WDPCP: variants seen among roughly 807,000 people sequenced by gnomAD.
WDPCP encodes WD repeat containing planar cell polarity effector, also known as WD repeat-containing and planar cell polarity effector protein fritz homolog.
WDPCP carries 71 observed loss-of-function variants against 93.1 expected under a neutral mutation model. The ratio of observed to expected loss-of-function variants is 0.76; its 90% CI spans 0.63 to 0.93. WDPCP has a LOEUF of 0.93. Ranked by LOEUF, WDPCP falls within the 40% of genes least tolerant of loss-of-function variation. The pLI is 0.00. For synonymous variants in WDPCP, 315 were observed against 315.0 expected (o/e 1.00, Z 0.00); for missense variants, 844 against 887.4 (o/e 0.95, Z 0.62).
chr2:63,575,489 A>ATGCACT (rs1257278044), intron 1 of WDPCP, among the ~76,000 whole-genome samples: 6 of 17,286 alleles, frequency 3.5e-4, no homozygotes, highest in Non-Finnish European at 5.1e-4. Flanking sequence ...GTGTATATAT[A>ATGCACT]GTATATACAG....
chr2:63,342,458 T>A (rs1436440871), intron 12 of WDPCP, among the ~76,000 whole-genome samples: 1 of 152,248 alleles, frequency 6.6e-6, no homozygotes, highest in East Asian at 1.9e-4. Flanking sequence ...ATTCTTCCAA[T>A]ACTGCCTTAT....
intron 13 of WDPCP, among the ~76,000 whole-genome samples, chr2:63,269,027 C>CT (rs917934711): frequency 6.1e-5 from 9 of 148,734 alleles, no homozygotes; most frequent in Middle Eastern, 3.5e-3. Flanking sequence ...GATGTTTAGT[C>CT]TTTTTTTTTT....
At chr2:63,331,580 G>T (rs1233218663) in intron 12 of WDPCP, among the ~76,000 whole-genome samples, 2 of 152,160 alleles carry the variant, frequency 1.3e-5, no homozygotes, top group South Asian at 4.1e-4. Flanking sequence ...GGGTTTAGAT[G>T]AATGTATAGT....
intron 3 of WDPCP, among the ~76,000 whole-genome samples, chr2:63,620,217 T>C (rs766263080): frequency 6.6e-6 from 1 of 152,152 alleles, no homozygotes; most frequent in Non-Finnish European, 1.5e-5. Flanking sequence ...GGGAGCCAAC[T>C]GGTCTAGCTC....
chr2:63,622,960 G>A (rs1045837916), intron 3 of WDPCP: 8 of 757,514 alleles, frequency 1.1e-5, no homozygotes, highest in South Asian at 5.4e-5. Context: ...AGTCACCACC[G>A]CACGGCGCCC....
At chr2:63,531,046 C>T (rs1042464028) in intron 1 of WDPCP, among the ~76,000 whole-genome samples, 10 of 152,248 alleles carry the variant, frequency 6.6e-5, no homozygotes, top group African/African-American at 1.7e-4. Flanking sequence ...TTATATCCCA[C>T]GCCTGGCTCG....
At chr2:63,761,442 T>C (rs987680943) in intron 2 of WDPCP, among the ~76,000 whole-genome samples, 1 of 152,160 alleles carries the variant, frequency 6.6e-6, no homozygotes, top group Non-Finnish European at 1.5e-5. Flanking sequence ...ACAAGCCTGA[T>C]ATTCTTCCTT....
chr2:63,119,964 G>C lies in WDPCP; in HGVS notation c.*2042C>G, dbSNP rs761818374. On this transcript the variant is annotated 3_prime_UTR_variant, in exon 18 of 18. Coordinates refer to ENST00000272321, the MANE Select transcript of WDPCP (RefSeq NM_015910.7). ...TTTAACTTTTCTAGAGGTATGTGAA[G>C]TGGGGAAAATGGGTACTTTAAGAAC... is the stretch of plus-strand genomic sequence containing the variant. 6.6e-6 allele frequency among the ~76,000 whole-genome samples: 1 copy of C among 152,170 alleles called. No individual in the cohort carries two copies. Among genetic ancestry groups the C allele is most frequent in the Non-Finnish European group, 1.5e-5 (1 of 68,032 alleles).
chr2:63,575,531 T>C (rs1394957540), intron 1 of WDPCP, among the ~76,000 whole-genome samples: 1 of 144,202 alleles, frequency 6.9e-6, no homozygotes, highest in Admixed American at 6.8e-5. Flanking sequence ...ATATACAGTA[T>C]ATACACTGTA....
At chr2:63,721,411 GA>G (rs1669410540) in intron 2 of WDPCP, among the ~76,000 whole-genome samples, 1 of 152,142 alleles carries the variant, frequency 6.6e-6, no homozygotes. Flanking sequence ...GCCCAAGCCT[GA>G]TGCCCCAACT....
At position 63,508,669 on chromosome 2, in the gene WDPCP, G is replaced by A. The variant is rs199762644; in HGVS notation, c.76-15729C>T. Among the ~76,000 whole-genome samples the A allele has an allele frequency of 2.6e-5, 4 of 152,260 alleles. No individual in the cohort carries two copies. In the East Asian group the frequency reaches 7.7e-4, roughly 29 times the overall value. On this transcript the variant is annotated intron_variant, in intron 1 of 17. Transcript: ENST00000272321. Reference sequence around the variant, plus strand: ...CTGAATAGAGACAGGACCCATCAGTGTGCTGTGTTCAGGAGACCCATCTCA... The same window carrying A: ...CTGAATAGAGACAGGACCCATCAGTATGCTGTGTTCAGGAGACCCATCTCA...
chr2:63,781,379 G>T (rs188839256), intron 2 of WDPCP, among the ~76,000 whole-genome samples: 1 of 152,080 alleles, frequency 6.6e-6, no homozygotes, highest in Admixed American at 6.6e-5. Context: ...ACATATTTGT[G>T]GGGTGACTTG....
intron 2 of WDPCP, among the ~76,000 whole-genome samples, chr2:63,806,049 G>A (rs1027302398): frequency 6.6e-6 from 1 of 152,172 alleles, no homozygotes; most frequent in African/African-American, 2.4e-5. Flanking sequence ...AGGAGGCGTA[G>A]GTTGCAGTGA....
chr2:63,248,676 TG>T (rs1680477212), intron 14 of WDPCP, among the ~76,000 whole-genome samples: 1 of 152,176 alleles, frequency 6.6e-6, no homozygotes, highest in Admixed American at 6.6e-5. Flanking sequence ...TATTTGATGA[TG>T]TCCCATAAAT....
rs561397693 is a variant in WDPCP at position 63,237,476 on chromosome 2, C to T, written c.1915+21831G>A. ...CAATTACATCCAGTAATCCCACTAC[C>T]GTGTTTATACCCAAAGGAAAATTGT... On this transcript the variant is annotated intron_variant, in intron 14 of 17. Transcript: ENST00000272321. Among the ~76,000 whole-genome samples, 12 of 152,172 alleles carry T rather than the reference C, an allele frequency of 7.9e-5. No homozygotes were observed. The East Asian group carries it at 1.9e-3, about 24-fold the overall frequency.
intron 1 of WDPCP, among the ~76,000 whole-genome samples, chr2:63,527,276 T>A (rs1703413957): frequency 6.6e-6 from 1 of 151,430 alleles, no homozygotes; most frequent in East Asian, 1.9e-4. Context: ...AACGTGCAGG[T>A]TTGTTACATA....
chr2:63,708,445 C>T (rs1304774796), intron 2 of WDPCP, among the ~76,000 whole-genome samples: 1 of 152,220 alleles, frequency 6.6e-6, no homozygotes, highest in Non-Finnish European at 1.5e-5. Context: ...GATATAATCT[C>T]CTGATGTGCC....
intron 15 of WDPCP, among the ~76,000 whole-genome samples, chr2:63,156,366 C>T (rs1250293983): frequency 6.6e-6 from 1 of 152,054 alleles, no homozygotes; most frequent in African/African-American, 2.4e-5. Flanking sequence ...ACTTATAACA[C>T]AGTATTTCTT....
At chr2:63,624,737 A>G (rs961659423) in intron 3 of WDPCP, among the ~76,000 whole-genome samples, 1 of 152,240 alleles carries the variant, frequency 6.6e-6, no homozygotes, top group Non-Finnish European at 1.5e-5. Context: ...TCACAGCCGA[A>G]TTCTACCAAA....
Sources: allele counts gnomAD v4.1 joint callset (sites outside exome capture counted in the v4.1 genomes callset), GRCh38; gene constraint gnomAD v4.1.1; transcripts MANE v1.5; gene names NCBI Gene and HGNC (gene_info 2026-07-23, HGNC 2026-07-21).